The following ARMC2 variants were observed in gnomAD, a reference collection of about 807,000 sequenced individuals.
ARMC2 encodes the protein armadillo repeat containing 2.
In ARMC2, 67 loss-of-function variants were observed where a neutral mutation model predicts 90.3. That is an observed-to-expected ratio of 0.74 (90% CI 0.61 to 0.91). The LOEUF is 0.91. ARMC2 is among the 40% of genes least tolerant of loss of function. ARMC2 has a pLI of 0.00. For synonymous variants in ARMC2, 393 were observed against 393.0 expected (o/e 1.00, Z 0.00); for missense variants, 920 against 1,030.9 (o/e 0.89, Z 1.47).
the ARMC2 span, among the ~76,000 whole-genome samples, chr6:108,984,418 T>C: frequency 6.6e-6 from 1 of 152,180 alleles, no homozygotes; most frequent in Non-Finnish European, 1.5e-5. Context: ...TGGCACACTC[T>C]AGCTGTGTCC....
intron 12 of ARMC2, among the ~76,000 whole-genome samples, chr6:108,951,200 C>T (rs768232875): frequency 2.6e-5 from 4 of 152,222 alleles, no homozygotes; most frequent in African/African-American, 4.8e-5. Context: ...TTTCACGTCT[C>T]GCTTCTTCCT....
chr6:108,952,349 T>G (rs1777252916), intron 12 of ARMC2, among the ~76,000 whole-genome samples: 1 of 152,214 alleles, frequency 6.6e-6, no homozygotes, highest in Admixed American at 6.5e-5. Context: ...ATAAAACGGG[T>G]ATGCACAATT....
At chr6:108,998,782 A>AT in the ARMC2 span, 1 of 1,587,566 alleles carries the variant, frequency 6.3e-7, no homozygotes, top group Non-Finnish European at 8.6e-7. Flanking sequence ...AAAAGAATAT[A>AT]TTTTTGTACT....
chr6:108,973,365 C>A lies in ARMC2; in HGVS notation c.2455C>A (p.Leu819Ile), dbSNP rs1340727013. 6.2e-7 allele frequency: 1 copy of A among 1,611,818 alleles called. No homozygotes were observed. Among genetic ancestry groups the A allele is most frequent in the Admixed American group, 1.7e-5 (1 of 59,784 alleles). Residue 819 changes from leucine (L) to isoleucine (I), a missense_variant, in exon 18 of 18, where the codon CTA (leucine) becomes ATA (isoleucine). Leu to Ile is a conservative substitution (Grantham distance 5). Transcript: ENST00000392644. ...LLLSSFLDEE[L>I]ALDGSFDPDL... Reference sequence around the variant, plus strand: ...AAATTTTTCTAATACAGATGAAGAACTAGCACTGGATGGCAGTTTTGATCC... The same window carrying A: ...AAATTTTTCTAATACAGATGAAGAAATAGCACTGGATGGCAGTTTTGATCC...
the ARMC2 span, among the ~76,000 whole-genome samples, chr6:109,042,299 G>A: frequency 1.3e-5 from 2 of 151,594 alleles, no homozygotes. Context: ...AGAGCCTAGG[G>A]AAAGAAGAGC....
At chr6:108,952,489 C>G (rs1777261700) in intron 12 of ARMC2, among the ~76,000 whole-genome samples, 1 of 150,392 alleles carries the variant, frequency 6.6e-6, no homozygotes, top group South Asian at 2.1e-4. Flanking sequence ...GCTGTCACAT[C>G]TGGAGAGGTG....
Position 108,899,840 on chromosome 6 carries a change from A to T in ARMC2, c.847+48A>T, listed in dbSNP as rs748354959. 22 of 1,395,438 alleles carry T rather than the reference A, an allele frequency of 1.6e-5. No homozygotes were observed. The African/African-American group carries it at 2.1e-4, about 13-fold the overall frequency. The allele number at this position is 1,395,438 out of a possible 1,614,324, so 86.4% of individuals were successfully genotyped here. On this transcript the variant is annotated intron_variant, in intron 7 of 17. Transcript: ENST00000392644. ...AAAAACCGTTTTTGTTTTTTTTTTA[A>T]AAAATACCTGTAGTTATTTATGTGT...
chr6:109,019,169 CAAAG>C, the ARMC2 span, among the ~76,000 whole-genome samples: 15 of 152,186 alleles, frequency 9.9e-5, no homozygotes, highest in Middle Eastern at 3.4e-3. Context: ...ACTAAGCTGA[CAAAG>C]AAATTAAAAC....
chr6:108,895,374 C>T (rs1396324256), intron 6 of ARMC2, among the ~76,000 whole-genome samples: 2 of 149,476 alleles, frequency 1.3e-5, no homozygotes, highest in African/African-American at 4.9e-5. Flanking sequence ...ATCCCAACTA[C>T]TTGGGAGGCT....
intron 8 of ARMC2, among the ~76,000 whole-genome samples, chr6:108,906,160 T>C (rs1005181722): frequency 1.6e-4 from 24 of 152,120 alleles, no homozygotes; most frequent in Admixed American, 5.9e-4. Context: ...TCAGAAACTC[T>C]TACAAAATAA....
chr6:108,903,366 A>G (rs1403958785), intron 7 of ARMC2, among the ~76,000 whole-genome samples: 1 of 152,002 alleles, frequency 6.6e-6, no homozygotes, highest in Non-Finnish European at 1.5e-5. Context: ...TCGGCCTCCC[A>G]AAGTGCTGGA....
chr6:108,928,036 G>A (rs1426336626), intron 10 of ARMC2, 52 bp from the exon 11 acceptor site: 3 of 1,529,648 alleles, frequency 2.0e-6, no homozygotes, highest in South Asian at 1.3e-5. Context: ...TGTTTCGTGT[G>A]GTTATATTTT....
chr6:108,899,772 T>C lies in ARMC2; in HGVS notation c.827T>C (p.Ile276Thr), dbSNP rs1771940398. The C allele has an allele frequency of 6.2e-7, 1 of 1,612,804 alleles. No homozygotes were observed. The highest frequency in any genetic ancestry group is 8.5e-7 in the Non-Finnish European group (1 of 1,179,446). ...EVFWNTRIVP[I>T]LRELEKEENI... ...TTTTGGAATACAAGGATTGTACCGA[T>C]TTTGCGTGAATTAGAAAAGGGTAAA... Residue 276 changes from isoleucine to threonine, a missense_variant, in exon 7 of 18, where the codon ATT becomes ACT. By Grantham distance (89) the Ile-to-Thr change is moderately conservative. Transcript: ENST00000392644.
intron 12 of ARMC2, among the ~76,000 whole-genome samples, chr6:108,938,396 G>A (rs969805066): frequency 8.1e-5 from 12 of 148,680 alleles, no homozygotes; most frequent in South Asian, 4.3e-4. Context: ...TTACAGGCAT[G>A]TGCCACCACA....
the ARMC2 span, among the ~76,000 whole-genome samples, chr6:109,036,877 G>C: frequency 1.3e-5 from 2 of 152,140 alleles, no homozygotes; most frequent in African/African-American, 4.8e-5. Flanking sequence ...TAATAAAACA[G>C]TCGTAAATCT....
rs1393717829 is a variant in ARMC2 at position 108,947,901 on chromosome 6, T to TATGC, written c.1597-5130_1597-5127dup. Among the ~76,000 whole-genome samples the TATGC allele has an allele frequency of 4.6e-5, 7 of 152,192 alleles. No homozygotes were observed. The East Asian group carries it at 1.2e-3, about 25-fold the overall frequency. ...CAAAATCACATAGTTATGATATGAA[T>TATGC]ATGCAACATTGTGTTAAATTTAATA... On this transcript the variant is annotated intron_variant, in intron 12 of 17. Coordinates refer to ENST00000392644, the MANE Select transcript of ARMC2 (RefSeq NM_032131.6).
Position 108,926,266 on chromosome 6 carries a change from T to C in ARMC2, c.1351-1822T>C, listed in dbSNP as rs905322274. ...ACACAGGCATCTGTACTCTTCCGTC[T>C]CCATGGAAGAGAGTTTTGAGGCATC... is the stretch of plus-strand genomic sequence containing the variant. On this transcript the variant is annotated intron_variant, in intron 10 of 17. Transcript: ENST00000392644. Among the ~76,000 whole-genome samples the C allele has an allele frequency of 2.0e-5, 3 of 152,178 alleles. No individual in the cohort carries two copies. In the East Asian group the frequency reaches 5.8e-4, roughly 29 times the overall value.
chr6:109,008,866 G>A, the ARMC2 span: 5 of 985,848 alleles, frequency 5.1e-6, no homozygotes, highest in Non-Finnish European at 6.0e-6. Flanking sequence ...TCTCTTCCCT[G>A]AGTCAAATGT....
intron 12 of ARMC2, among the ~76,000 whole-genome samples, chr6:108,952,506 T>C (rs1308593066): frequency 6.6e-6 from 1 of 152,186 alleles, no homozygotes; most frequent in Non-Finnish European, 1.5e-5. Context: ...GGTGTTGTCA[T>C]CTAGTGCGTG....
Sources: gnomAD v4.1 joint callset for allele counts (sites outside exome capture counted in the v4.1 genomes callset) on GRCh38, gnomAD v4.1.1 for gene constraint, MANE v1.5 for transcripts, NCBI Gene and HGNC (gene_info 2026-07-23, HGNC 2026-07-21) for gene names.